PCDHA10: variants seen among roughly 807,000 people sequenced by gnomAD.
The protein encoded by PCDHA10 is protocadherin alpha-10.
A neutral mutation model predicts 61.2 loss-of-function variants in PCDHA10; 45 were observed. The observed-to-expected ratio is 0.74, with a 90% CI of 0.58 to 0.94. The LOEUF (loss-of-function observed/expected upper bound fraction) is 0.94, where lower values mean the gene tolerates loss of function less well. Ranked by LOEUF, PCDHA10 falls within the 40% of genes least tolerant of loss-of-function variation. PCDHA10 has a pLI of 0.00. For missense variants in PCDHA10, 1,278 were observed against 1,236.2 expected, an observed-to-expected ratio of 1.03 and a Z score of -0.51; for synonymous variants, 602 against 548.8, an observed-to-expected ratio of 1.10 and a Z score of -1.35.
intron 1 of PCDHA10, chr5:140,927,229 C>G (rs781833160): frequency 1.2e-6 from 2 of 1,614,008 alleles, no homozygotes; most frequent in African/African-American, 1.3e-5. Context: ...GATTCGGATT[C>G]ACGTCCTGGA....
intron 1 of PCDHA10, among the ~76,000 whole-genome samples, chr5:140,900,339 G>A (rs1019458960): frequency 7.2e-5 from 11 of 151,812 alleles, no homozygotes; most frequent in East Asian, 2.0e-4. Context: ...GTACCGTGGC[G>A]CAATCTTGGC....
At chr5:140,899,795 G>A (rs551068307) in intron 1 of PCDHA10, among the ~76,000 whole-genome samples, 59 of 152,222 alleles carry the variant, frequency 3.9e-4, no homozygotes, top group Non-Finnish European at 7.5e-4. Flanking sequence ...ATTCGGCTGT[G>A]AATCCAATAT....
intron 1 of PCDHA10, among the ~76,000 whole-genome samples, chr5:140,924,043 G>C (rs2081638586): frequency 6.6e-6 from 1 of 152,176 alleles, no homozygotes; most frequent in Non-Finnish European, 1.5e-5. Flanking sequence ...AGACCTAAAA[G>C]TTCGGTACAT....
intron 1 of PCDHA10, chr5:140,875,557 G>A (rs2055595805): frequency 6.2e-7 from 1 of 1,613,946 alleles, no homozygotes; most frequent in Non-Finnish European, 8.5e-7. Flanking sequence ...GGTGGGGAGC[G>A]GCCAGCTCCA....
intron 1 of PCDHA10, among the ~76,000 whole-genome samples, chr5:140,920,012 G>A (rs531392984): frequency 2.6e-5 from 4 of 152,314 alleles, no homozygotes; most frequent in East Asian, 1.9e-4. Context: ...AAGGCCATGC[G>A]AAGATGGAGA....
In PCDHA10 at chr5:140,901,962, G is replaced by A. The variant is rs148280805; in HGVS notation, c.2388+43526G>A. The stretch of plus-strand genomic sequence containing the variant: ...ATATTTAGTTTTATTCGTGGCTATC[G>A]TAAATGGGATTACTTTTTAATTTCA... On this transcript the variant is annotated intron_variant, in intron 1 of 3. Coordinates refer to ENST00000307360, the MANE Select transcript of PCDHA10 (RefSeq NM_018901.4). Among the ~76,000 whole-genome samples, 1,226 of 152,004 alleles carry A rather than the reference G, an allele frequency of 8.1e-3. 6 individuals carry two copies. The highest frequency in any genetic ancestry group is 0.019 in the African/African-American group (785 of 41,468).
intron 1 of PCDHA10, chr5:140,878,248 C>A (rs1449904760): frequency 6.5e-6 from 1 of 154,860 alleles, no homozygotes; most frequent in African/African-American, 2.4e-5. Flanking sequence ...TTAACTCTTC[C>A]TCACGTGCTT....
rs782531082 is a variant in PCDHA10 at position 140,877,160 on chromosome 5, C to T, written c.2388+18724C>T. The T allele has an allele frequency of 4.0e-5, 64 of 1,613,696 alleles. 1 individual carries two copies. In the Admixed American group the frequency reaches 1.0e-3, roughly 26 times the overall value. The stretch of plus-strand genomic sequence containing the variant: ...GTGCTGGACGAGAACGACAACGCGC[C>T]GGCACTGCTGGCGACTCCGGCTGGC... On this transcript the variant is annotated intron_variant, in intron 1 of 3. Transcript: ENST00000307360.
chr5:140,975,763 C>A (rs2096681691), intron 1 of PCDHA10, among the ~76,000 whole-genome samples: 1 of 152,140 alleles, frequency 6.6e-6, no homozygotes, highest in Non-Finnish European at 1.5e-5. Context: ...TGTCATAAAT[C>A]ACAGATAATA....
intron 3 of PCDHA10, among the ~76,000 whole-genome samples, chr5:140,990,912 A>G (rs1415853627): frequency 1.3e-5 from 2 of 152,148 alleles, no homozygotes; most frequent in African/African-American, 4.8e-5. Context: ...CAAGTTTTAT[A>G]AGTCTTTAAA....
intron 1 of PCDHA10, among the ~76,000 whole-genome samples, chr5:140,945,918 C>T (rs782600130): frequency 1.2e-4 from 18 of 152,106 alleles, no homozygotes; most frequent in Admixed American, 2.6e-4. Context: ...ATCAATAACA[C>T]TGATCTGAGC....
chr5:140,934,523 C>T (rs782685676), intron 1 of PCDHA10, among the ~76,000 whole-genome samples: 15 of 152,236 alleles, frequency 9.9e-5, no homozygotes, highest in South Asian at 8.3e-4. Context: ...GACCACACTT[C>T]GAGAGCTACC....
intron 1 of PCDHA10, among the ~76,000 whole-genome samples, chr5:140,901,280 T>G (rs1554189719): frequency 1.3e-5 from 2 of 152,132 alleles, no homozygotes. Context: ...CTCAAGAAAT[T>G]TTTGCCCAGA....
rs782046977 is a variant in PCDHA10 at position 140,968,811 on chromosome 5, A to T, written c.2389-10138A>T. The T allele has an allele frequency of 5.0e-6, 8 of 1,614,086 alleles. No homozygotes were observed. The African/African-American group carries it at 6.7e-5, about 13-fold the overall frequency. The stretch of plus-strand genomic sequence containing the variant: ...GTGGCCATTACAGTAGCTGTGGTGG[A>T]TAGGGTTTCCAAAATCCTCCCTGAC... On this transcript the variant is annotated intron_variant, in intron 1 of 3. Coordinates refer to ENST00000307360, the MANE Select transcript of PCDHA10 (RefSeq NM_018901.4).
At chr5:141,008,434 A>G (rs1466409442) in intron 3 of PCDHA10, among the ~76,000 whole-genome samples, 2 of 152,196 alleles carry the variant, frequency 1.3e-5, no homozygotes, top group Admixed American at 6.5e-5. Context: ...CACTTTGCCC[A>G]GACAGACCAT....
Position 140,932,626 on chromosome 5 carries a change from C to T in PCDHA10, c.2389-46323C>T, listed in dbSNP as rs965543719. 1.2e-4 allele frequency among the ~76,000 whole-genome samples: 18 copies of T among 151,670 alleles called. 1 individual carries two copies. The highest frequency in any genetic ancestry group is 8.9e-5 in the Non-Finnish European group (6 of 67,754). On this transcript the variant is annotated intron_variant, in intron 1 of 3. Coordinates refer to ENST00000307360, the MANE Select transcript of PCDHA10 (RefSeq NM_018901.4). ...TTTGACTTTGAAGCTGATAACCACA[C>T]TAAAAAACTTTAGAATGATGAAACT...
intron 1 of PCDHA10, chr5:140,927,172 G>T: frequency 1.2e-6 from 2 of 1,614,152 alleles, no homozygotes; most frequent in Non-Finnish European, 1.7e-6. Flanking sequence ...AGCTGCCTGC[G>T]TCTTGACCTA....
In PCDHA10 at chr5:140,856,987, C is replaced by T. The variant is rs144244943; in HGVS notation, c.939C>T (p.Asn313=). ...VNDAIDFEDS[N]TYEIHVDVTD... ...ATGCTATTGACTTTGAGGACAGTAA[C>T]ACTTATGAAATTCATGTAGATGTTA... Residue 313 remains asparagine (N), a synonymous_variant, in exon 1 of 4, where the codon AAC becomes AAT. Coordinates refer to ENST00000307360, the MANE Select transcript of PCDHA10 (RefSeq NM_018901.4). The T allele has an allele frequency of 7.5e-6, 12 of 1,595,122 alleles. No individual in the cohort carries two copies. The African/African-American group carries it at 1.3e-4, about 18-fold the overall frequency.
chr5:140,961,255 C>G (rs1446798989), intron 1 of PCDHA10, among the ~76,000 whole-genome samples: 1 of 152,164 alleles, frequency 6.6e-6, no homozygotes, highest in African/African-American at 2.4e-5. Context: ...TCCGAAGCTC[C>G]AGGAAGCTTC....
Sources: gnomAD v4.1 joint callset for allele counts (sites outside exome capture counted in the v4.1 genomes callset) on GRCh38, gnomAD v4.1.1 for gene constraint, MANE v1.5 for transcripts, NCBI Gene and HGNC (gene_info 2026-07-23, HGNC 2026-07-21) for gene names.